Variants in KSR2 observed in about 807,000 individuals in gnomAD.
The protein encoded by KSR2 is kinase suppressor of ras 2.
In KSR2, 25 loss-of-function variants were observed where a neutral mutation model predicts 107.8. That is an observed-to-expected ratio of 0.23 (90% CI 0.17 to 0.32). The LOEUF (loss-of-function observed/expected upper bound fraction) is 0.32. Ranked by LOEUF, KSR2 falls within the 10% of genes least tolerant of loss-of-function variation. The pLI, the probability that KSR2 is intolerant of heterozygous loss-of-function variation, is 1.00. For synonymous variants in KSR2, 480 were observed against 507.0 expected (o/e 0.95, Z 0.71); for missense variants, 887 against 1,268.9 (o/e 0.70, Z 4.57).
chr12:117,527,155 G>A, intron 12 of KSR2, 36 bp from the exon 13 acceptor site: 4 of 1,489,330 alleles, frequency 2.7e-6, no homozygotes, highest in Non-Finnish European at 3.7e-6. Context: ...ATCCCTAGGT[G>A]AAAAGGCAGG....
At chr12:117,962,959 C>T (rs150491259) in intron 1 of KSR2, among the ~76,000 whole-genome samples, 4,030 of 148,106 alleles carry the variant, frequency 0.027, 174 homozygotes, top group African/African-American at 0.095. Flanking sequence ...CTGAGGTGGG[C>T]GGATCACTGG....
At chr12:117,601,157 C>G (rs1880921272) in intron 5 of KSR2, among the ~76,000 whole-genome samples, 1 of 152,114 alleles carries the variant, frequency 6.6e-6, no homozygotes, top group Non-Finnish European at 1.5e-5. Flanking sequence ...TAGGATCAAC[C>G]AAGTGCTTAG....
At chr12:117,916,554 T>C (rs189767659) in intron 1 of KSR2, among the ~76,000 whole-genome samples, 3 of 152,336 alleles carry the variant, frequency 2.0e-5, no homozygotes, top group Admixed American at 2.0e-4. Flanking sequence ...TCAGTGGTTA[T>C]AATTTATGAT....
intron 9 of KSR2, among the ~76,000 whole-genome samples, chr12:117,554,592 T>C (rs982893700): frequency 6.6e-6 from 1 of 152,152 alleles, no homozygotes; most frequent in Non-Finnish European, 1.5e-5. Context: ...GGCTGGTCTT[T>C]CCTGTGCCAT....
At chr12:117,567,988 A>G (rs1426410678) in intron 7 of KSR2, among the ~76,000 whole-genome samples, 1 of 152,196 alleles carries the variant, frequency 6.6e-6, no homozygotes, top group Non-Finnish European at 1.5e-5. Context: ...CTAACAACTC[A>G]GTGGGGTCTA....
chr12:117,509,389 G>T (rs1873897686), intron 14 of KSR2, among the ~76,000 whole-genome samples: 1 of 152,132 alleles, frequency 6.6e-6, no homozygotes, highest in Non-Finnish European at 1.5e-5. Flanking sequence ...TAAGGCCTAG[G>T]GATAGGGCAG....
intron 16 of KSR2, among the ~76,000 whole-genome samples, chr12:117,480,468 G>T (rs2137132687): frequency 6.6e-6 from 1 of 152,238 alleles, no homozygotes; most frequent in Non-Finnish European, 1.5e-5. Flanking sequence ...TGGGAGGCTG[G>T]CATGACAGCA....
At chr12:117,720,270 A>T (rs1887154868) in intron 4 of KSR2, among the ~76,000 whole-genome samples, 1 of 152,158 alleles carries the variant, frequency 6.6e-6, no homozygotes, top group African/African-American at 2.4e-5. Flanking sequence ...CACACCAATG[A>T]TCTAGGCTGA....
intron 4 of KSR2, among the ~76,000 whole-genome samples, chr12:117,717,975 C>T (rs547972661): frequency 7.9e-5 from 12 of 152,210 alleles, no homozygotes; most frequent in South Asian, 2.1e-4. Context: ...GAGCAGGGGG[C>T]GAGTTTCTCC....
At chr12:117,576,023 C>G (rs1310583870) in intron 7 of KSR2, among the ~76,000 whole-genome samples, 1 of 152,164 alleles carries the variant, frequency 6.6e-6, no homozygotes, top group Admixed American at 6.5e-5. Flanking sequence ...GCTTACCCCC[C>G]CACCCTATCC....
At chr12:117,545,350 G>A (rs546949943) in intron 9 of KSR2, among the ~76,000 whole-genome samples, 2 of 152,268 alleles carry the variant, frequency 1.3e-5, no homozygotes, top group Admixed American at 1.3e-4. Flanking sequence ...TTTTTTGGAA[G>A]AGATTGTGTA....
chr12:117,483,382 T>A (rs1211170929), intron 16 of KSR2, among the ~76,000 whole-genome samples: 1 of 151,160 alleles, frequency 6.6e-6, no homozygotes, highest in Non-Finnish European at 1.5e-5. Flanking sequence ...AATAAAAAAA[T>A]AAATAAATAA....
chr12:117,738,747 C>T (rs532685695), intron 4 of KSR2, among the ~76,000 whole-genome samples: 105 of 152,200 alleles, frequency 6.9e-4, no homozygotes, highest in African/African-American at 2.4e-3. Flanking sequence ...TGATGGCACA[C>T]GCTTGTAGTC....
chr12:117,707,529 T>A (rs1886576279), intron 4 of KSR2, among the ~76,000 whole-genome samples: 1 of 152,228 alleles, frequency 6.6e-6, no homozygotes, highest in Non-Finnish European at 1.5e-5. Context: ...CCTGAGCTAC[T>A]GCCTTGGCCT....
chr12:117,886,961 T>A (rs2137342167), intron 1 of KSR2, among the ~76,000 whole-genome samples: 1 of 152,318 alleles, frequency 6.6e-6, no homozygotes, highest in African/African-American at 2.4e-5. Flanking sequence ...TCTTACTCTA[T>A]CACCAAGGCT....
intron 5 of KSR2, among the ~76,000 whole-genome samples, chr12:117,582,834 T>C (rs981215015): frequency 6.6e-6 from 1 of 152,212 alleles, no homozygotes; most frequent in Non-Finnish European, 1.5e-5. Context: ...GAAATGAACA[T>C]GTGCCCTTGC....
chr12:117,692,168 G>A (rs1199113608), intron 4 of KSR2, among the ~76,000 whole-genome samples: 1 of 152,070 alleles, frequency 6.6e-6, no homozygotes, highest in African/African-American at 2.4e-5. Flanking sequence ...TTCTCCGAAG[G>A]AGATACATAA....
chr12:117,729,687 C>T (rs633845), intron 4 of KSR2, among the ~76,000 whole-genome samples: 110,811 of 151,818 alleles, frequency 0.73, 40,586 homozygotes, highest in Admixed American at 0.79. Flanking sequence ...CATCCATCCA[C>T]CCATCCACCC....
intron 1 of KSR2, among the ~76,000 whole-genome samples, chr12:117,876,581 A>C (rs369118020): frequency 6.6e-6 from 1 of 152,202 alleles, no homozygotes; most frequent in African/African-American, 2.4e-5. Flanking sequence ...AGCACTTACT[A>C]GACAGCAGGT....
Sources: allele counts gnomAD v4.1 joint callset (sites outside exome capture counted in the v4.1 genomes callset), GRCh38; gene constraint gnomAD v4.1.1; transcripts MANE v1.5; gene names NCBI Gene and HGNC (gene_info 2026-07-23, HGNC 2026-07-21).